The following FHDC1 variants were observed in gnomAD, a reference collection of about 807,000 sequenced individuals.
The protein encoded by FHDC1 is FH2 domain-containing protein 1.
Under a neutral mutation model 52.6 loss-of-function variants are expected in FHDC1, and 25 were observed. The ratio of observed to expected loss-of-function variants is 0.48; its 90% confidence interval spans 0.35 to 0.66. The LOEUF is 0.66. FHDC1 is among the 30% of genes least tolerant of loss of function. The pLI is 0.01. For synonymous variants in FHDC1, 616 were observed against 581.5 expected (o/e 1.06, Z -0.85); for missense variants, 1,459 against 1,452.8 (o/e 1.00, Z -0.07).
chr4:152,974,252 C>T (rs1417984830), intron 11 of FHDC1, among the ~76,000 whole-genome samples: 2 of 152,184 alleles, frequency 1.3e-5, no homozygotes, highest in Non-Finnish European at 2.9e-5. Flanking sequence ...ATAGCCCTTT[C>T]CTGGAAGTCC....
intron 8 of FHDC1, among the ~76,000 whole-genome samples, chr4:152,963,466 T>C (rs1740346947): frequency 1.3e-5 from 2 of 152,134 alleles, no homozygotes; most frequent in African/African-American, 4.8e-5. Context: ...CTGGATCTCT[T>C]TTGTTTTTGT....
the FHDC1 span, among the ~76,000 whole-genome samples, chr4:152,930,997 A>ACACACACACACTCT: frequency 1.7e-4 from 19 of 113,246 alleles, no homozygotes; most frequent in African/African-American, 5.7e-4. Flanking sequence ...ACACACACAC[A>ACACACACACACTCT]CTCTCTCTCT....
At chr4:152,961,289 C>T (rs1015696485) in intron 6 of FHDC1, among the ~76,000 whole-genome samples, 3 of 152,176 alleles carry the variant, frequency 2.0e-5, no homozygotes, top group African/African-American at 7.2e-5. Flanking sequence ...GACCTCTTTT[C>T]CTGGGGTCAA....
intron 1 of FHDC1, among the ~76,000 whole-genome samples, chr4:152,940,179 C>T (rs1003524863): frequency 2.0e-5 from 3 of 152,158 alleles, no homozygotes; most frequent in Non-Finnish European, 4.4e-5. Flanking sequence ...ACATCCTGGC[C>T]CAGGGGGAAA....
chr4:152,960,661 A>T lies in FHDC1; in HGVS notation c.749+11A>T. On this transcript the variant is annotated intron_variant, in intron 5 of 11. Transcript: ENST00000511601. ...AATTCAGGTGCCAAAGTAAGGATACAGTCGCTGGTTATTATTCTTCACGCA... is the reference window on the plus strand; with the variant it reads ...AATTCAGGTGCCAAAGTAAGGATACTGTCGCTGGTTATTATTCTTCACGCA... 1 of 1,613,980 alleles carries T rather than the reference A, an allele frequency of 6.2e-7. No homozygotes were observed. The highest frequency in any genetic ancestry group is 8.5e-7 in the Non-Finnish European group (1 of 1,179,924).
At chr4:152,943,629 A>G in intron 2 of FHDC1, 74 bp downstream of exon 2, 2 of 1,485,986 alleles carry the variant, frequency 1.3e-6, no homozygotes, top group Non-Finnish European at 1.8e-6. Flanking sequence ...TGTACATTTC[A>G]AATAATTGCT....
At chr4:152,973,004 A>G (rs1334001788) in intron 11 of FHDC1, among the ~76,000 whole-genome samples, 1 of 152,100 alleles carries the variant, frequency 6.6e-6, no homozygotes, top group East Asian at 1.9e-4. Flanking sequence ...TCACTGTGGG[A>G]TTGGCACCAG....
At chr4:152,932,233 A>T (rs185819437), upstream of FHDC1, among the ~76,000 whole-genome samples, 397 of 152,070 alleles carry the variant, frequency 2.6e-3, 3 homozygotes, top group Non-Finnish European at 4.5e-3. Flanking sequence ...AAAAAAAATT[A>T]AAAATAAACT....
intron 2 of FHDC1, among the ~76,000 whole-genome samples, chr4:152,947,244 T>C (rs1406650111): frequency 6.6e-6 from 1 of 151,208 alleles, no homozygotes; most frequent in African/African-American, 2.4e-5. Context: ...AAAAAAGACA[T>C]TTAGTATGGG....
chr4:152,961,546 C>T (rs748850137), intron 6 of FHDC1, among the ~76,000 whole-genome samples: 41 of 152,192 alleles, frequency 2.7e-4, no homozygotes, highest in Admixed American at 1.8e-3. Flanking sequence ...CTGAGAATCC[C>T]GGCGGAGTTG....
the FHDC1 span, among the ~76,000 whole-genome samples, chr4:152,915,791 A>G: frequency 1.3e-5 from 2 of 152,226 alleles, no homozygotes; most frequent in Non-Finnish European, 2.9e-5. Context: ...CTATTTCCAT[A>G]ATACCAAAGT....
At position 152,962,940 on chromosome 4, in the gene FHDC1, GGTGTGTGTGTGTGTGTGT is replaced by G. The variant is rs34181980; in HGVS notation, c.922-58_922-41del. 5.2e-4 allele frequency: 491 copies of G among 936,472 alleles called. 1 individual carries two copies. In the East Asian group the frequency reaches 8.2e-3, roughly 16 times the overall value. 58.0% of individuals were successfully genotyped at this position (936,472 alleles called of 1,614,324 possible). ...ATGTTTTCAACCTTGTCTATCTAAA[GGTGTGTGTGTGTGTGTGT>G]GTGTGTGTGTGTGTGTGTGTGTGTA... On this transcript the variant is annotated intron_variant, in intron 7 of 11. Transcript: ENST00000511601.
chr4:152,918,295 T>G, the FHDC1 span: 6 of 152,354 alleles, frequency 3.9e-5, no homozygotes, highest in South Asian at 1.2e-3. Flanking sequence ...TTTAGTTCTT[T>G]TAGCTCATTT....
intron 4 of FHDC1, 117 bp downstream of exon 4, chr4:152,954,436 C>CAA: frequency 1.4e-6 from 1 of 731,588 alleles, no homozygotes; most frequent in Non-Finnish European, 2.2e-6. Context: ...CCTGTAATCC[C>CAA]AGCACTTTGG....
At chr4:152,913,237 CG>C in the FHDC1 span, among the ~76,000 whole-genome samples, 6,499 of 152,270 alleles carry the variant, frequency 0.043, 174 homozygotes, top group South Asian at 0.11. Flanking sequence ...TCCATCTCCC[CG>C]CAAATGGCTT....
Position 152,975,977 on chromosome 4 carries a change from G to A in FHDC1, c.2686G>A (p.Ala896Thr), listed in dbSNP as rs1247022707. The A allele has an allele frequency of 2.0e-6, 3 of 1,522,308 alleles. No individual in the cohort carries two copies. The highest frequency in any genetic ancestry group is 2.6e-5 in the South Asian group (2 of 75,978). The allele number at this position is 1,522,308 out of a possible 1,614,324, so 94.3% of individuals were successfully genotyped here. The change falls in exon 12 of 12, where the codon GCC becomes ACC. Residue 896 changes from alanine (A) to threonine (T), a missense_variant. Physicochemically the swap from Ala to Thr is moderately conservative, Grantham distance 58. Transcript: ENST00000511601. The stretch of plus-strand genomic sequence containing the variant: ...GGCCAAGTCTGTGCGGACCCTGACC[G>A]CCTCAGAGAACGAGAGCATGCGCAA... ...AVAKSVRTLTASENESMRKVM... is the reference protein window; with the variant it reads ...AVAKSVRTLTTSENESMRKVM...
chr4:152,937,647 C>T (rs1302747788), intron 1 of FHDC1, among the ~76,000 whole-genome samples: 1 of 151,670 alleles, frequency 6.6e-6, no homozygotes, highest in Non-Finnish European at 1.5e-5. Flanking sequence ...GTCCCCGCCC[C>T]GCAGGCCGCG....
intron 4 of FHDC1, among the ~76,000 whole-genome samples, chr4:152,954,728 A>G (rs1345276568): frequency 1.3e-5 from 2 of 152,098 alleles, no homozygotes; most frequent in African/African-American, 4.8e-5. Context: ...ACATGCTCAC[A>G]TGGGAAGGGC....
At chr4:152,948,573 C>T (rs992119176) in intron 2 of FHDC1, among the ~76,000 whole-genome samples, 2 of 152,158 alleles carry the variant, frequency 1.3e-5, no homozygotes, top group African/African-American at 4.8e-5. Context: ...CTGTCTCAGC[C>T]TCCTGAGTAG....
Sources: allele counts gnomAD v4.1 joint callset (sites outside exome capture counted in the v4.1 genomes callset), GRCh38; gene constraint gnomAD v4.1.1; transcripts MANE v1.5; gene names NCBI Gene and HGNC (gene_info 2026-07-23, HGNC 2026-07-21).